The following ADCY10 variants were observed in gnomAD, a reference collection of about 807,000 sequenced individuals.
The protein encoded by ADCY10 is adenylate cyclase type 10.
A neutral mutation model predicts 183.3 loss-of-function variants in ADCY10; 156 were observed. The ratio of observed to expected loss-of-function variants is 0.85; its 90% CI spans 0.75 to 0.97. The LOEUF is 0.97. ADCY10 is among the 50% of genes least tolerant of loss of function. The pLI, the probability that ADCY10 is intolerant of heterozygous loss-of-function variation, is 0.00. For missense variants in ADCY10, 1,745 were observed against 1,934.3 expected (o/e 0.90, Z 1.84); for synonymous variants, 645 against 670.0 (o/e 0.96, Z 0.58).
chr1:167,817,240 C>G (rs1483804597), intron 31 of ADCY10, among the ~76,000 whole-genome samples: 1 of 152,218 alleles, frequency 6.6e-6, no homozygotes, highest in Non-Finnish European at 1.5e-5. Flanking sequence ...TGGCACGTGC[C>G]TGTAATCCCA....
intron 26 of ADCY10, among the ~76,000 whole-genome samples, chr1:167,827,899 A>G (rs1663434478): frequency 6.6e-6 from 1 of 151,796 alleles, no homozygotes; most frequent in Admixed American, 6.6e-5. Flanking sequence ...TTTTTAGTAA[A>G]GATAGGTTTT....
At chr1:167,854,843 A>G (rs538980025) in intron 17 of ADCY10, among the ~76,000 whole-genome samples, 1 of 152,256 alleles carries the variant, frequency 6.6e-6, no homozygotes, top group South Asian at 2.1e-4. Context: ...AGAGGGGGAG[A>G]GAGAGAGAGA....
At chr1:167,810,681 T>C (rs564883072) in intron 32 of ADCY10, 44 bp downstream of exon 32, 2 of 1,594,126 alleles carry the variant, frequency 1.3e-6, no homozygotes, top group Admixed American at 3.3e-5. Flanking sequence ...CTTCTTTATA[T>C]GGGTGAGCAT....
At chr1:167,826,033 G>A (rs1221304682) in intron 26 of ADCY10, among the ~76,000 whole-genome samples, 2 of 152,196 alleles carry the variant, frequency 1.3e-5, no homozygotes, top group Admixed American at 6.5e-5. Context: ...TGGGGTCGGG[G>A]AAGTGTTTTA....
intron 21 of ADCY10, among the ~76,000 whole-genome samples, chr1:167,845,147 A>G (rs12061996): frequency 0.16 from 24,877 of 152,162 alleles, 3,509 homozygotes; most frequent in African/African-American, 0.38. Flanking sequence ...TCTCTCAGTC[A>G]TGTTCTTTAC....
intron 8 of ADCY10, among the ~76,000 whole-genome samples, chr1:167,885,934 T>A (rs899669757): frequency 6.6e-6 from 1 of 152,114 alleles, no homozygotes. Context: ...CTTTTACCCA[T>A]TTTTTAATCA....
In ADCY10 at chr1:167,875,120, C is replaced by T. The variant is rs781332017; in HGVS notation, c.1462+11G>A. The T allele has an allele frequency of 3.1e-6, 5 of 1,613,322 alleles. No homozygotes were observed. The highest frequency in any genetic ancestry group is 3.4e-6 in the Non-Finnish European group (4 of 1,179,256). Reference sequence around the variant, plus strand: ...CAATAAAGAAGTTTAAAATCAAGGCCTACTACCTACCCAGCAAAGGGTAAT... The same window carrying T: ...CAATAAAGAAGTTTAAAATCAAGGCTTACTACCTACCCAGCAAAGGGTAAT... On this transcript the variant is annotated intron_variant, in intron 13 of 32. Coordinates refer to ENST00000367851, the MANE Select transcript of ADCY10 (RefSeq NM_018417.6).
chr1:167,819,958 G>C (rs72697795), intron 30 of ADCY10: 141,161 of 1,250,438 alleles, frequency 0.11, 10,527 homozygotes, highest in East Asian at 0.31. Flanking sequence ...CATCTGTGCT[G>C]TATTCTTCCA....
intron 14 of ADCY10, among the ~76,000 whole-genome samples, chr1:167,869,104 A>C (rs187690417): frequency 3.9e-4 from 59 of 152,218 alleles, no homozygotes; most frequent in Non-Finnish European, 6.3e-4. Context: ...AAAACATGAC[A>C]AAACTGGCAC....
At chr1:167,830,344 AGATT>A (rs1663625203) in intron 25 of ADCY10, among the ~76,000 whole-genome samples, 1 of 150,732 alleles carries the variant, frequency 6.6e-6, no homozygotes. Flanking sequence ...ATAAACTTAC[AGATT>A]GATTGATACC....
At chr1:167,823,606 T>G (rs1185721115) in intron 28 of ADCY10, among the ~76,000 whole-genome samples, 1 of 152,190 alleles carries the variant, frequency 6.6e-6, no homozygotes, top group East Asian at 1.9e-4. Flanking sequence ...GAAAACCATT[T>G]ATACCCCCAA....
intron 2 of ADCY10, chr1:167,904,617 G>C (rs1669690231): frequency 3.8e-6 from 2 of 520,102 alleles, no homozygotes; most frequent in Admixed American, 3.3e-5. Context: ...TTCTGAAGAG[G>C]TGGCAAGTTT....
At chr1:167,901,897 T>A (rs1282430214) in intron 4 of ADCY10, 92 bp from the exon 5 acceptor site, 1 of 1,609,966 alleles carries the variant, frequency 6.2e-7, no homozygotes. Context: ...TCATCAAGCA[T>A]TCCTCAGCCT....
intron 1 of ADCY10, among the ~76,000 whole-genome samples, chr1:167,906,854 T>TA (rs1669857719): frequency 6.6e-6 from 1 of 152,058 alleles, no homozygotes; most frequent in African/African-American, 2.4e-5. Flanking sequence ...ATGAAAGACT[T>TA]ACAAAAAATG....
intron 16 of ADCY10, among the ~76,000 whole-genome samples, chr1:167,859,257 C>T (rs1271624847): frequency 6.6e-6 from 1 of 152,134 alleles, no homozygotes; most frequent in Non-Finnish European, 1.5e-5. Flanking sequence ...CAATATATAG[C>T]AGACAGTCGT....
chr1:167,901,604 C>T (rs867871238), intron 5 of ADCY10, 58 bp downstream of exon 5: 13 of 1,545,696 alleles, frequency 8.4e-6, no homozygotes, highest in Admixed American at 1.7e-5. Context: ...GAGAGATGCC[C>T]CAGGAGTCAA....
At chr1:167,907,515 T>C (rs928930038) in intron 1 of ADCY10, among the ~76,000 whole-genome samples, 5 of 152,172 alleles carry the variant, frequency 3.3e-5, no homozygotes, top group Non-Finnish European at 7.4e-5. Context: ...CTCCCAGAAG[T>C]GACGTATTTC....
intron 23 of ADCY10, among the ~76,000 whole-genome samples, chr1:167,835,931 A>C (rs1486890707): frequency 6.6e-6 from 1 of 152,120 alleles, no homozygotes; most frequent in African/African-American, 2.4e-5. Context: ...AAAGACCTAC[A>C]GGTATTTTGT....
intron 2 of ADCY10, chr1:167,904,699 C>T: frequency 3.3e-6 from 2 of 603,444 alleles, no homozygotes; most frequent in Non-Finnish European, 5.9e-6. Flanking sequence ...GTGTATGGGG[C>T]TTGGGGCTGG....
Sources: allele counts gnomAD v4.1 joint callset (sites outside exome capture counted in the v4.1 genomes callset), GRCh38; gene constraint gnomAD v4.1.1; transcripts MANE v1.5; gene names NCBI Gene and HGNC (gene_info 2026-07-23, HGNC 2026-07-21).